Variants in MOB3B observed in about 807,000 individuals in gnomAD.
MOB3B encodes MOB kinase activator-like 2B.
MOB3B carries 7 observed loss-of-function variants against 18.7 expected under a neutral mutation model. That is an observed-to-expected ratio of 0.37 (90% CI 0.21 to 0.70). The LOEUF is 0.70. MOB3B is among the 30% of genes least tolerant of loss of function. The pLI is 0.52. For missense variants in MOB3B, 253 were observed against 281.3 expected, an observed-to-expected ratio of 0.90 and a Z score of 0.72; for synonymous variants, 111 against 99.9, an observed-to-expected ratio of 1.11 and a Z score of -0.66.
intron 1 of MOB3B, among the ~76,000 whole-genome samples, chr9:27,520,292 G>A (rs947167150): frequency 6.6e-6 from 1 of 152,134 alleles, no homozygotes; most frequent in African/African-American, 2.4e-5. Flanking sequence ...CAACAGAGCA[G>A]CCCCTGCTAA....
chr9:27,484,566 C>T (rs1819707079), intron 1 of MOB3B, among the ~76,000 whole-genome samples: 1 of 152,110 alleles, frequency 6.6e-6, no homozygotes, highest in Non-Finnish European at 1.5e-5. Context: ...ATTTTGTTAG[C>T]CTTCAACCTT....
intron 1 of MOB3B, among the ~76,000 whole-genome samples, chr9:27,481,675 G>A (rs373819806): frequency 2.6e-5 from 4 of 151,808 alleles, no homozygotes; most frequent in East Asian, 1.9e-4. Context: ...ACAGGCGCCC[G>A]CCACCATGCC....
At chr9:27,363,415 C>T (rs1205412490) in intron 2 of MOB3B, among the ~76,000 whole-genome samples, 1 of 151,600 alleles carries the variant, frequency 6.6e-6, no homozygotes, top group Non-Finnish European at 1.5e-5. Flanking sequence ...ACTACAGGCG[C>T]CCGCCGCCAC....
chr9:27,508,545 A>T (rs76595757), intron 1 of MOB3B, among the ~76,000 whole-genome samples: 1,989 of 152,176 alleles, frequency 0.013, 44 homozygotes, highest in African/African-American at 0.044. Flanking sequence ...ATTAAAACTA[A>T]TTTTTTTCAT....
At chr9:27,411,546 A>G (rs1411723) in intron 2 of MOB3B, among the ~76,000 whole-genome samples, 3 of 152,150 alleles carry the variant, frequency 2.0e-5, no homozygotes, top group African/African-American at 7.2e-5. Flanking sequence ...AACTAGTCTC[A>G]TCAGAATTAG....
chr9:27,516,751 T>C (rs1056855446), intron 1 of MOB3B, among the ~76,000 whole-genome samples: 1 of 152,182 alleles, frequency 6.6e-6, no homozygotes. Context: ...CCATTCCCCA[T>C]ATATTCTCTT....
At position 27,455,222 on chromosome 9, in the gene MOB3B, G is replaced by A. The variant is rs1250392384; in HGVS notation, c.329C>T (p.Thr110Ile). 3.1e-6 allele frequency: 5 copies of A among 1,614,162 alleles called. No individual in the cohort carries two copies. In the African/African-American group the frequency reaches 5.3e-5, roughly 17 times the overall value. ...CATGTACTGGGGAGCTGGCAGCGCT[G>A]TTGGCTTCTTATACTTGAGATCATC... ...WQDDLKYKKP[T>I]ALPAPQYMNL... Residue 110 changes from threonine to isoleucine, a missense_variant, in exon 2 of 4, where the codon ACA becomes ATA. By Grantham distance (89) the Thr-to-Ile change is moderately conservative. Coordinates refer to ENST00000262244, the MANE Select transcript of MOB3B (RefSeq NM_024761.5).
At chr9:27,433,371 T>C (rs779392380) in intron 2 of MOB3B, among the ~76,000 whole-genome samples, 2 of 152,186 alleles carry the variant, frequency 1.3e-5, no homozygotes, top group Non-Finnish European at 2.9e-5. Context: ...TCTTAAGCAG[T>C]AAGATGATTT....
At chr9:27,503,578 C>T (rs1214732274) in intron 1 of MOB3B, among the ~76,000 whole-genome samples, 1 of 152,184 alleles carries the variant, frequency 6.6e-6, no homozygotes, top group Non-Finnish European at 1.5e-5. Flanking sequence ...CATACTCTGC[C>T]CCAGATTCTG....
chr9:27,331,468 C>G (rs1820789209), intron 3 of MOB3B, among the ~76,000 whole-genome samples: 1 of 151,574 alleles, frequency 6.6e-6, no homozygotes, highest in South Asian at 2.1e-4. Flanking sequence ...TTGTACATCT[C>G]TGTGTGTGTG....
chr9:27,409,188 A>G (rs1204090941), intron 2 of MOB3B, among the ~76,000 whole-genome samples: 1 of 152,226 alleles, frequency 6.6e-6, no homozygotes, highest in African/African-American at 2.4e-5. Flanking sequence ...ACTACGTGCC[A>G]GTTATTGTTC....
chr9:27,452,348 T>A (rs1473382423), intron 2 of MOB3B, among the ~76,000 whole-genome samples: 1 of 152,188 alleles, frequency 6.6e-6, no homozygotes, highest in African/African-American at 2.4e-5. Flanking sequence ...ACAGAGGACA[T>A]GGTATCTGAG....
At chr9:27,439,567 TAGCAA>T (rs1316660201) in intron 2 of MOB3B, among the ~76,000 whole-genome samples, 1 of 152,182 alleles carries the variant, frequency 6.6e-6, no homozygotes, top group East Asian at 1.9e-4. Context: ...AATGAGAAAG[TAGCAA>T]AGCCATGACT....
intron 2 of MOB3B, 110 bp from the exon 3 acceptor site, chr9:27,359,346 C>T: frequency 1.1e-6 from 1 of 887,830 alleles, no homozygotes; most frequent in Non-Finnish European, 1.8e-6. Context: ...AGACTGGCAC[C>T]CGTCACAGGA....
rs1820733313 is a variant in MOB3B at position 27,327,756 on chromosome 9, G to A, written c.*2831C>T. ...GGACAACTGGAGAATTTTGAATATGGATCATATATTAGATTTATGCAGTAT... is the reference window on the plus strand; with the variant it reads ...GGACAACTGGAGAATTTTGAATATGAATCATATATTAGATTTATGCAGTAT... On this transcript the variant is annotated 3_prime_UTR_variant, in exon 4 of 4. Transcript: ENST00000262244. The A allele has an allele frequency of 6.6e-6, 1 of 152,156 alleles. No homozygotes were observed. Among genetic ancestry groups the A allele is most frequent in the Non-Finnish European group, 1.5e-5 (1 of 68,038 alleles). The allele number at this position is 152,156 out of a possible 1,614,324, so 9.4% of individuals were successfully genotyped here.
intron 2 of MOB3B, among the ~76,000 whole-genome samples, chr9:27,422,722 T>C (rs1822273313): frequency 6.6e-6 from 1 of 152,220 alleles, no homozygotes; most frequent in African/African-American, 2.4e-5. Context: ...ATAGGTCTTG[T>C]TGAAGCATGT....
intron 1 of MOB3B, among the ~76,000 whole-genome samples, chr9:27,471,009 T>C (rs59782019): frequency 1.1e-3 from 166 of 152,314 alleles, no homozygotes; most frequent in African/African-American, 3.8e-3. Context: ...CTTCTCACCC[T>C]GAACCATCTG....
At chr9:27,401,487 G>A (rs1050882339) in intron 2 of MOB3B, among the ~76,000 whole-genome samples, 1 of 152,246 alleles carries the variant, frequency 6.6e-6, no homozygotes, top group East Asian at 1.9e-4. Context: ...ACAGACAAAG[G>A]CACCCTCATC....
chr9:27,420,601 T>C (rs1295188201), intron 2 of MOB3B, among the ~76,000 whole-genome samples: 1 of 95,864 alleles, frequency 1.0e-5, no homozygotes, highest in East Asian at 3.5e-4. Flanking sequence ...ATATATGGAA[T>C]ACTACACAGC....
Sources: allele counts gnomAD v4.1 joint callset (sites outside exome capture counted in the v4.1 genomes callset), GRCh38; gene constraint gnomAD v4.1.1; transcripts MANE v1.5; gene names NCBI Gene and HGNC (gene_info 2026-07-23, HGNC 2026-07-21).